Variants in SYK observed in about 807,000 individuals in gnomAD.
SYK encodes tyrosine-protein kinase SYK.
In SYK, 16 loss-of-function variants were observed where a neutral mutation model predicts 77.8. The observed-to-expected ratio is 0.21, with a 90% CI of 0.14 to 0.31. SYK has a LOEUF of 0.31. Among genes scored for constraint, SYK ranks in the 10% least tolerant of loss-of-function variants. The probability of loss-of-function intolerance (pLI) is 1.00; values close to 1 mark genes in which losing one functional copy is unlikely to be tolerated. For synonymous variants in SYK, 312 were observed against 308.7 expected, an observed-to-expected ratio of 1.01 and a Z score of -0.11; for missense variants, 529 against 814.4, an observed-to-expected ratio of 0.65 and a Z score of 4.26.
At chr9:90,866,056 A>T (rs2780710) in intron 6 of SYK, among the ~76,000 whole-genome samples, 1 of 151,942 alleles carries the variant, frequency 6.6e-6, no homozygotes, top group Admixed American at 6.6e-5. Flanking sequence ...CCGCCACAAC[A>T]CCCGGCTAAT....
Position 90,874,195 on chromosome 9 carries a change from G to C in SYK, c.916-9G>C, listed in dbSNP as rs199826480. 1.9e-5 allele frequency: 31 copies of C among 1,612,784 alleles called. No homozygotes were observed. In the Middle Eastern group the frequency reaches 6.6e-4, roughly 34 times the overall value. ...AGAAAAACAACCTGTTGTCCTTTAT[G>C]TACTTTAGTCCTCCCCTGCCCAAGG... On this transcript the variant is annotated splice_polypyrimidine_tract_variant and intron_variant, in intron 7 of 13. Transcript: ENST00000375754.
chr9:90,803,181 G>A (rs986496754), intron 1 of SYK, among the ~76,000 whole-genome samples: 2 of 152,042 alleles, frequency 1.3e-5, no homozygotes, highest in Non-Finnish European at 2.9e-5. Flanking sequence ...TTGTTTTAAC[G>A]TATTTAGAAA....
intron 7 of SYK, among the ~76,000 whole-genome samples, chr9:90,871,000 TG>T: frequency 6.6e-6 from 1 of 152,364 alleles, no homozygotes; most frequent in Admixed American, 6.5e-5. Context: ...TTTCCTCTTT[TG>T]TTCACTTTTG....
At chr9:90,882,093 A>G (rs952402304) in intron 11 of SYK, among the ~76,000 whole-genome samples, 1 of 152,266 alleles carries the variant, frequency 6.6e-6, no homozygotes, top group Non-Finnish European at 1.5e-5. Flanking sequence ...TTTTATGACC[A>G]GAAAAAAGTA....
chr9:90,885,191 T>G (rs1371465253), intron 11 of SYK, among the ~76,000 whole-genome samples: 1 of 151,082 alleles, frequency 6.6e-6, no homozygotes, highest in African/African-American at 2.4e-5. Flanking sequence ...AAAAAGAAAT[T>G]CACAAAACCC....
At chr9:90,814,636 G>A (rs901113029) in intron 1 of SYK, among the ~76,000 whole-genome samples, 12 of 152,112 alleles carry the variant, frequency 7.9e-5, no homozygotes, top group South Asian at 2.1e-4. Flanking sequence ...CTAAGTGCAC[G>A]GTAACACTCG....
At chr9:90,884,558 T>C (rs985679375) in intron 11 of SYK, among the ~76,000 whole-genome samples, 1 of 82,782 alleles carries the variant, frequency 1.2e-5, no homozygotes, top group Non-Finnish European at 2.4e-5. Context: ...CACATACACA[T>C]ATGTGTACAT....
At chr9:90,860,828 C>T (rs1317947495) in intron 3 of SYK, among the ~76,000 whole-genome samples, 1 of 152,170 alleles carries the variant, frequency 6.6e-6, no homozygotes, top group African/African-American at 2.4e-5. Flanking sequence ...TCTCAACTCT[C>T]CCTGTGGTCG....
intron 2 of SYK, among the ~76,000 whole-genome samples, chr9:90,845,224 C>T (rs1395088521): frequency 6.6e-6 from 1 of 152,212 alleles, no homozygotes; most frequent in Non-Finnish European, 1.5e-5. Flanking sequence ...GCGTGAGCCA[C>T]CGTGCCCGGC....
At chr9:90,890,015 G>A (rs187249460) in intron 13 of SYK, among the ~76,000 whole-genome samples, 134 of 152,336 alleles carry the variant, frequency 8.8e-4, no homozygotes, top group African/African-American at 2.6e-3. Context: ...GGAGGGTAGA[G>A]TTTAAAACAT....
rs766412303 is a variant in SYK at position 90,843,996 on chromosome 9, G to C, written c.98G>C (p.Gly33Ala). 6.2e-7 allele frequency: 1 copy of C among 1,610,308 alleles called. No homozygotes were observed. The highest frequency in any genetic ancestry group is 1.7e-5 in the Admixed American group (1 of 59,488). The change falls in exon 2 of 14, where the codon GGC becomes GCC. Residue 33 changes from glycine (G) to alanine (A), a missense_variant. Physicochemically the swap from Gly to Ala is moderately conservative, Grantham distance 60. Transcript: ENST00000375754. ...GCAGAAGATTACCTGGTCCAGGGGG[G>C]CATGAGTGATGGGCTTTATTTGCTG... ...EEAEDYLVQG[G>A]MSDGLYLLRQ...
intron 13 of SYK, among the ~76,000 whole-genome samples, chr9:90,893,334 A>G (rs1828867819): frequency 6.6e-6 from 1 of 152,200 alleles, no homozygotes; most frequent in Non-Finnish European, 1.5e-5. Context: ...AGCTTCTAGA[A>G]TGTGGTGGAT....
At chr9:90,833,192 T>C (rs1825956539) in intron 1 of SYK, among the ~76,000 whole-genome samples, 1 of 152,200 alleles carries the variant, frequency 6.6e-6, no homozygotes, top group South Asian at 2.1e-4. Flanking sequence ...GTGCAAGGGA[T>C]GGGAGTACCA....
chr9:90,817,451 T>A (rs1380591445), intron 1 of SYK, among the ~76,000 whole-genome samples: 1 of 152,230 alleles, frequency 6.6e-6, no homozygotes, highest in Admixed American at 6.5e-5. Flanking sequence ...CCATGCTGCC[T>A]GCAGTGTTAA....
chr9:90,893,990 T>C lies in SYK; in HGVS notation c.1836-1538T>C, dbSNP rs1336061835. Among the ~76,000 whole-genome samples the C allele has an allele frequency of 2.6e-5, 4 of 152,292 alleles. No homozygotes were observed. In the South Asian group the frequency reaches 8.3e-4, roughly 32 times the overall value. On this transcript the variant is annotated intron_variant, in intron 13 of 13. Transcript: ENST00000375754. Reference sequence around the variant, plus strand: ...GTCCCAGCTTCCTGGAGGCAGCATCTCCCATGGATGTACAGGAGAGATTTC... The same window carrying C: ...GTCCCAGCTTCCTGGAGGCAGCATCCCCCATGGATGTACAGGAGAGATTTC...
chr9:90,842,807 G>A (rs577499011), intron 1 of SYK, among the ~76,000 whole-genome samples: 8 of 150,252 alleles, frequency 5.3e-5, no homozygotes, highest in African/African-American at 2.0e-4. Flanking sequence ...GTACCATGAG[G>A]GACATGCGCT....
At chr9:90,812,631 G>A (rs1461882867) in intron 1 of SYK, among the ~76,000 whole-genome samples, 1 of 152,160 alleles carries the variant, frequency 6.6e-6, no homozygotes, top group Non-Finnish European at 1.5e-5. Flanking sequence ...AAAGGCTGAT[G>A]AGGTTTCCAC....
chr9:90,865,013 A>G, intron 5 of SYK, 35 bp from the exon 6 acceptor site: 2 of 1,610,648 alleles, frequency 1.2e-6, no homozygotes, highest in South Asian at 1.1e-5. Context: ...GTTTCCTCAG[A>G]TAGAGCAGTA....
At chr9:90,865,223 A>T (rs1350209829) in intron 6 of SYK, 126 bp downstream of exon 6, 20 of 911,962 alleles carry the variant, frequency 2.2e-5, no homozygotes. Context: ...ATACTCCGTG[A>T]TGAGCTGGGA....
Sources: gnomAD v4.1 joint callset for allele counts (sites outside exome capture counted in the v4.1 genomes callset) on GRCh38, gnomAD v4.1.1 for gene constraint, MANE v1.5 for transcripts, NCBI Gene and HGNC (gene_info 2026-07-23, HGNC 2026-07-21) for gene names.